Variants in LATS1 observed in about 807,000 individuals in gnomAD.
LATS1 encodes serine/threonine-protein kinase LATS1.
A neutral mutation model predicts 106.6 loss-of-function variants in LATS1; 25 were observed. The observed-to-expected ratio is 0.23, with a 90% CI of 0.17 to 0.33. The LOEUF is 0.33. Ranked by LOEUF, LATS1 falls within the 10% of genes least tolerant of loss-of-function variation. The pLI, the probability that LATS1 is intolerant of heterozygous loss-of-function variation, is 1.00. For synonymous variants in LATS1, 465 were observed against 455.6 expected (o/e 1.02, Z -0.26); for missense variants, 1,040 against 1,382.6 (o/e 0.75, Z 3.93).
intron 3 of LATS1, among the ~76,000 whole-genome samples, chr6:149,685,266 G>C (rs1782307947): frequency 6.6e-6 from 1 of 152,102 alleles, no homozygotes; most frequent in South Asian, 2.1e-4. Flanking sequence ...TTTTTGAAGA[G>C]ATATAATTTC....
rs1293458175 is a variant in LATS1 at position 149,680,418 on chromosome 6, T to A, written c.2050A>T (p.Met684Leu). The A allele has an allele frequency of 6.2e-7, 1 of 1,612,990 alleles. No individual in the cohort carries two copies. The highest frequency in any genetic ancestry group is 8.5e-7 in the Non-Finnish European group (1 of 1,179,520). Reference sequence around the variant, plus strand: ...TAATTAGATTCTTTTTGGCAAAGCATCTTTCTCATTTGATCCTGGGCATCT... The same window carrying A: ...TAATTAGATTCTTTTTGGCAAAGCAACTTTCTCATTTGATCCTGGGCATCT... Reference protein sequence around the residue: ...SQDAQDQMRKMLCQKESNYIR... With the variant: ...SQDAQDQMRKLLCQKESNYIR... The change falls in exon 5 of 8, where the codon ATG (methionine) becomes TTG (leucine). Residue 684 changes from methionine to leucine, a missense_variant. Physicochemically the swap from Met to Leu is conservative, Grantham distance 15. Transcript: ENST00000543571.
rs1303520242 is a variant in LATS1, at chr6:149,678,177, A to C, written c.2594-1440T>G. ...CTACTAAAAATCCAAAAAAAAAAAA[A>C]AAAAAAAAAAAAAAAAAATAGCCGG... On this transcript the variant is annotated intron_variant, in intron 5 of 7. Coordinates refer to ENST00000543571, the MANE Select transcript of LATS1 (RefSeq NM_004690.4). Among the ~76,000 whole-genome samples the C allele has an allele frequency of 3.2e-4, 47 of 146,340 alleles. 2 individuals are homozygous for C. The highest frequency in any genetic ancestry group is 8.7e-4 in the South Asian group (4 of 4,586).
At chr6:149,674,567 TTTCACCA>T (rs1185794211) in intron 7 of LATS1, among the ~76,000 whole-genome samples, 1 of 140,988 alleles carries the variant, frequency 7.1e-6, no homozygotes, top group Non-Finnish European at 1.5e-5. Flanking sequence ...ACAGAGGGGG[TTTCACCA>T]TGTTGCCCAG....
chr6:149,679,434 C>A (rs1781912257), intron 5 of LATS1, among the ~76,000 whole-genome samples: 1 of 151,740 alleles, frequency 6.6e-6, no homozygotes, highest in Non-Finnish European at 1.5e-5. Flanking sequence ...TGCTTATAAT[C>A]CCAGCTACTC....
In LATS1 at chr6:149,685,530, C is replaced by T. The variant is rs575145608; in HGVS notation, c.497-938G>A. ...CCTCCTGAGTAGCTGGGACTACAGGCGCACGCCACCACGCCCAGCTAACTT... is the reference window on the plus strand; with the variant it reads ...CCTCCTGAGTAGCTGGGACTACAGGTGCACGCCACCACGCCCAGCTAACTT... On this transcript the variant is annotated intron_variant, in intron 3 of 7. Transcript: ENST00000543571. Among the ~76,000 whole-genome samples, 19 of 152,140 alleles carry T rather than the reference C, an allele frequency of 1.2e-4. No homozygotes were observed. The East Asian group carries it at 3.1e-3, about 25-fold the overall frequency.
chr6:149,670,837 TTAGC>T (rs1405821154), intron 7 of LATS1, among the ~76,000 whole-genome samples: 5 of 152,022 alleles, frequency 3.3e-5, no homozygotes, highest in Non-Finnish European at 7.3e-5. Context: ...AAAACCTTTC[TTAGC>T]TATGTGATTT....
chr6:149,676,407 C>T (rs1781725965), intron 6 of LATS1, 41 bp from the exon 7 acceptor site: 1 of 1,433,334 alleles, frequency 7.0e-7, no homozygotes, highest in Non-Finnish European at 9.7e-7. Flanking sequence ...TAAAAATGCT[C>T]AGAATACAAT....
chr6:149,661,939 G>C lies in LATS1; in HGVS notation c.3183C>G (p.Leu1061=). The C allele has an allele frequency of 6.2e-7, 1 of 1,613,988 alleles. No homozygotes were observed. Among genetic ancestry groups the C allele is most frequent in the Non-Finnish European group, 8.5e-7 (1 of 1,179,920 alleles). ...DNEEENVNDT[L]NGWYKNGKHP... ...GCTTTCCATTTTTATACCATCCATT[G>C]AGAGTGTCATTTACATTTTCTTCCT... The change falls in exon 8 of 8, where the codon CTC becomes CTG. Residue 1061 remains leucine (L), a synonymous_variant. Coordinates refer to ENST00000543571, the MANE Select transcript of LATS1 (RefSeq NM_004690.4).
intron 7 of LATS1, among the ~76,000 whole-genome samples, chr6:149,666,496 T>C (rs1376420868): frequency 1.3e-5 from 2 of 151,802 alleles, no homozygotes; most frequent in East Asian, 3.9e-4. Flanking sequence ...CGAGCAACTG[T>C]AGTCCCAGCT....
chr6:149,688,870 G>C (rs1782552948), intron 3 of LATS1, among the ~76,000 whole-genome samples: 1 of 151,990 alleles, frequency 6.6e-6, no homozygotes, highest in Non-Finnish European at 1.5e-5. Context: ...GATAATATAT[G>C]AGTTCAGACA....
At chr6:149,689,274 G>A (rs1363728505) in intron 3 of LATS1, among the ~76,000 whole-genome samples, 1 of 152,078 alleles carries the variant, frequency 6.6e-6, no homozygotes, top group Admixed American at 6.6e-5. Flanking sequence ...GGGGAAAGTG[G>A]TATTGGATGG....
At chr6:149,669,707 T>A (rs1451618540) in intron 7 of LATS1, among the ~76,000 whole-genome samples, 1 of 151,768 alleles carries the variant, frequency 6.6e-6, no homozygotes. Flanking sequence ...TGCAGTGAGC[T>A]GAGATCACGA....
chr6:149,717,370 A>G (rs968568932), intron 1 of LATS1, among the ~76,000 whole-genome samples: 2 of 152,196 alleles, frequency 1.3e-5, no homozygotes, highest in African/African-American at 4.8e-5. Flanking sequence ...TCCAACTATG[A>G]ACAGTAACCT....
At chr6:149,662,758 G>A (rs759222783) in intron 7 of LATS1, among the ~76,000 whole-genome samples, 1 of 151,934 alleles carries the variant, frequency 6.6e-6, no homozygotes, top group African/African-American at 2.4e-5. Flanking sequence ...AGCCGGGAAG[G>A]TTCAAGACAA....
Position 149,659,631 on chromosome 6 carries a change from A to G in LATS1, c.*2098T>C. On this transcript the variant is annotated 3_prime_UTR_variant, in exon 8 of 8. Coordinates refer to ENST00000543571, the MANE Select transcript of LATS1 (RefSeq NM_004690.4). ...TGTATTGCACCTTAGTCCAAAAGTA[A>G]AACAACTAAATGAAAATTTAAATAA... 1 of 229,490 alleles carries G rather than the reference A, an allele frequency of 4.4e-6. No homozygotes were observed. The allele number at this position is 229,490 out of a possible 1,614,324, so 14.2% of individuals were successfully genotyped here. A position where few individuals can be genotyped will look rare whatever the true frequency, so the allele number is the denominator to read the frequency against.
chr6:149,710,966 C>T (rs1784052881), intron 1 of LATS1, among the ~76,000 whole-genome samples: 1 of 152,142 alleles, frequency 6.6e-6, no homozygotes, highest in Non-Finnish European at 1.5e-5. Context: ...TACCTAGACC[C>T]CTAGAGGCAG....
chr6:149,689,440 C>A (rs926296545), intron 3 of LATS1, among the ~76,000 whole-genome samples: 1 of 151,808 alleles, frequency 6.6e-6, no homozygotes, highest in East Asian at 1.9e-4. Flanking sequence ...AAAAATTACC[C>A]TTTTAGCAAT....
At position 149,680,092 on chromosome 6, in the gene LATS1, G is replaced by A; in HGVS notation, c.2376C>T (p.Ser792=). 6.2e-7 allele frequency: 1 copy of A among 1,613,466 alleles called. No homozygotes were observed. ...GAAAGATGCCCATTCTAATTAATAG[G>A]CTCATCATATCACCCCCAGGAATGT... ...MDYIPGGDMM[S]LLIRMGIFPE... Residue 792 remains serine, a synonymous_variant, in exon 5 of 8, where the codon AGC becomes AGT. Transcript: ENST00000543571.
Position 149,703,018 on chromosome 6 carries a change from T to C in LATS1, c.-140-752A>G, listed in dbSNP as rs1407750937. Among the ~76,000 whole-genome samples, 3 of 149,078 alleles carry C rather than the reference T, an allele frequency of 2.0e-5. No individual in the cohort carries two copies. In the Admixed American group the frequency reaches 2.0e-4, roughly 10 times the overall value. ...TCTTGCTCTACCACCCAGGCTAGAG[T>C]GCAGGAGTGTAGTGGTGCAACCTTG... On this transcript the variant is annotated intron_variant, in intron 1 of 7. Transcript: ENST00000543571.
Sources: gnomAD v4.1 joint callset for allele counts (sites outside exome capture counted in the v4.1 genomes callset) on GRCh38, gnomAD v4.1.1 for gene constraint, MANE v1.5 for transcripts, NCBI Gene and HGNC (gene_info 2026-07-23, HGNC 2026-07-21) for gene names.